TACC2: variants seen among roughly 807,000 people sequenced by gnomAD.
TACC2 encodes transforming acidic coiled-coil containing protein 2.
TACC2 carries 137 observed loss-of-function variants against 227.3 expected under a neutral mutation model. The ratio of observed to expected loss-of-function variants is 0.60; its 90% confidence interval spans 0.52 to 0.69. The LOEUF is 0.69. TACC2 is among the 30% of genes least tolerant of loss of function. TACC2 has a pLI of 0.00. For missense variants in TACC2, 3,470 were observed against 3,694.4 expected, an observed-to-expected ratio of 0.94 and a Z score of 1.57; for synonymous variants, 1,523 against 1,487.5, an observed-to-expected ratio of 1.02 and a Z score of -0.55.
intron 7 of TACC2, among the ~76,000 whole-genome samples, chr10:122,179,307 C>G (rs61873773): frequency 0.028 from 4,197 of 152,232 alleles, 70 homozygotes; most frequent in Middle Eastern, 0.065. Flanking sequence ...TACTTATCTG[C>G]CTTGTCGTAT....
chr10:122,082,396 C>T (rs999347226), intron 3 of TACC2, among the ~76,000 whole-genome samples: 1 of 152,146 alleles, frequency 6.6e-6, no homozygotes, highest in Admixed American at 6.5e-5. Context: ...CACTGCTGAT[C>T]AGCATGGAAG....
At chr10:122,022,396 A>C in intron 2 of TACC2, 1 of 166,766 alleles carries the variant, frequency 6.0e-6, no homozygotes, top group Non-Finnish European at 1.3e-5. Context: ...GGCATGCACC[A>C]CCACGCCTGG....
chr10:122,045,209 G>T (rs1205688913), intron 2 of TACC2, among the ~76,000 whole-genome samples: 4 of 152,202 alleles, frequency 2.6e-5, no homozygotes, highest in African/African-American at 7.2e-5. Context: ...TGTGCCAGGT[G>T]CTATTCTGGG....
chr10:122,233,200 A>G (rs1039178124), intron 16 of TACC2, among the ~76,000 whole-genome samples: 2 of 152,112 alleles, frequency 1.3e-5, no homozygotes, highest in African/African-American at 4.8e-5. Context: ...CTTCTGGTCA[A>G]ACGGAATTTG....
At chr10:122,015,801 G>A (rs1591066283) in intron 1 of TACC2, among the ~76,000 whole-genome samples, 3 of 151,740 alleles carry the variant, frequency 2.0e-5, no homozygotes, top group South Asian at 4.2e-4. Flanking sequence ...GCAGTGAGCC[G>A]AGATCGCTGG....
chr10:122,241,860 G>A, intron 18 of TACC2, 98 bp from the exon 19 acceptor site: 1 of 1,131,972 alleles, frequency 8.8e-7, no homozygotes, highest in Non-Finnish European at 1.3e-6. Context: ...TGGAAGTTGG[G>A]GCCCTGCTGG....
chr10:122,233,148 G>A, intron 16 of TACC2, among the ~76,000 whole-genome samples: 1 of 152,168 alleles, frequency 6.6e-6, no homozygotes. Context: ...TTAGGGGCCG[G>A]GGTGTCAGGC....
chr10:122,027,035 A>C (rs1958118589), intron 2 of TACC2, among the ~76,000 whole-genome samples: 1 of 152,218 alleles, frequency 6.6e-6, no homozygotes, highest in Non-Finnish European at 1.5e-5. Context: ...AGAAACCACC[A>C]AACTGTCTTT....
chr10:122,211,241 C>T lies in TACC2; in HGVS notation c.6816C>T (p.Asp2272=). 1 of 1,614,082 alleles carries T rather than the reference C, an allele frequency of 6.2e-7. No individual in the cohort carries two copies. The highest frequency in any genetic ancestry group is 8.5e-7 in the Non-Finnish European group (1 of 1,180,020). ...GGCTGGAGTTTGACTATTCTGAGGA[C>T]AAGAGTAGTTGGGACAACCAGCAGG... ...SVRLEFDYSE[D]KSSWDNQQEN... Residue 2272 remains aspartate, a synonymous_variant, in exon 9 of 23, where the codon GAC becomes GAT. Coordinates refer to ENST00000369005, the MANE Select transcript of TACC2 (RefSeq NM_206862.4).
intron 6 of TACC2, among the ~76,000 whole-genome samples, chr10:122,135,398 G>C (rs2089405045): frequency 6.6e-6 from 1 of 152,222 alleles, no homozygotes; most frequent in Non-Finnish European, 1.5e-5. Flanking sequence ...TCAGTGCTGA[G>C]AACTCGGCCA....
chr10:122,206,029 T>C (rs761301831), intron 8 of TACC2, among the ~76,000 whole-genome samples: 16 of 150,572 alleles, frequency 1.1e-4, no homozygotes, highest in Middle Eastern at 3.5e-3. Context: ...TGTGAATGCC[T>C]GGGCACACCT....
intron 15 of TACC2, among the ~76,000 whole-genome samples, chr10:122,230,070 A>G (rs2095707690): frequency 6.6e-6 from 1 of 152,234 alleles, no homozygotes; most frequent in African/African-American, 2.4e-5. Context: ...GAAATGAAAG[A>G]AAAGAGAACA....
intron 5 of TACC2, among the ~76,000 whole-genome samples, chr10:122,128,295 C>T (rs1026767910): frequency 1.3e-5 from 2 of 152,144 alleles, no homozygotes; most frequent in African/African-American, 4.8e-5. Flanking sequence ...ATGTCACTCA[C>T]TTATGTCATA....
intron 7 of TACC2, among the ~76,000 whole-genome samples, chr10:122,172,689 C>T (rs951974187): frequency 6.6e-6 from 1 of 152,176 alleles, no homozygotes; most frequent in South Asian, 2.1e-4. Context: ...CTGTGACTGC[C>T]CATTGCCTTT....
chr10:121,989,746 T>C (rs1235593018), intron 1 of TACC2, among the ~76,000 whole-genome samples: 1 of 145,318 alleles, frequency 6.9e-6, no homozygotes, highest in Non-Finnish European at 1.5e-5. Flanking sequence ...ATTTTTTAAA[T>C]TAATTTTATT....
rs934876081 is a variant in TACC2 at position 122,024,675 on chromosome 10, A to G, written c.33+2661A>G. On this transcript the variant is annotated intron_variant, in intron 2 of 22. Transcript: ENST00000369005. ...GTCACACAGTAAGTGATCTTTAAGG[A>G]TTGGCTTTTTTTCTCTCTCAGCATA... is the stretch of plus-strand genomic sequence containing the variant. Among the ~76,000 whole-genome samples, 7 of 152,066 alleles carry G rather than the reference A, an allele frequency of 4.6e-5. No homozygotes were observed. The South Asian group carries it at 1.4e-3, about 31-fold the overall frequency.
chr10:122,005,781 C>A (rs1005076519), intron 1 of TACC2, among the ~76,000 whole-genome samples: 1 of 150,920 alleles, frequency 6.6e-6, no homozygotes, highest in Non-Finnish European at 1.5e-5. Context: ...GCAACCTCCA[C>A]TCCCCGGGTT....
intron 11 of TACC2, among the ~76,000 whole-genome samples, chr10:122,221,265 G>T (rs1262453531): frequency 6.6e-6 from 1 of 152,096 alleles, no homozygotes; most frequent in Non-Finnish European, 1.5e-5. Flanking sequence ...CTTTTTTGGT[G>T]CAGTCTTTTA....
At chr10:122,235,173 G>A (rs549580509) in intron 16 of TACC2, among the ~76,000 whole-genome samples, 314 of 152,294 alleles carry the variant, frequency 2.1e-3, no homozygotes, top group Non-Finnish European at 3.6e-3. Context: ...TGCAACCTTT[G>A]CCTCCTGGGT....
Sources: allele counts gnomAD v4.1 joint callset (sites outside exome capture counted in the v4.1 genomes callset), GRCh38; gene constraint gnomAD v4.1.1; transcripts MANE v1.5; gene names NCBI Gene and HGNC (gene_info 2026-07-23, HGNC 2026-07-21).